ESRRG: variants seen among roughly 807,000 people sequenced by gnomAD.
The protein encoded by ESRRG is estrogen-related receptor gamma.
A neutral mutation model predicts 44.0 loss-of-function variants in ESRRG; 13 were observed. The observed-to-expected ratio is 0.30, with a 90% CI of 0.19 to 0.47. The LOEUF is 0.47. Ranked by LOEUF, ESRRG falls within the 20% of genes least tolerant of loss-of-function variation. The probability of loss-of-function intolerance (pLI) is 1.00; values close to 1 mark genes in which losing one functional copy is unlikely to be tolerated. For synonymous variants in ESRRG, 215 were observed against 214.6 expected (o/e 1.00, Z -0.02); for missense variants, 395 against 580.6 (o/e 0.68, Z 3.29).
chr1:216,615,701 T>C (rs537689122), intron 3 of ESRRG, among the ~76,000 whole-genome samples: 8 of 151,444 alleles, frequency 5.3e-5, no homozygotes, highest in Non-Finnish European at 1.0e-4. Context: ...AGAAATACTG[T>C]CCATAAGACC....
At chr1:216,765,914 C>T (rs2093050594) in intron 2 of ESRRG, among the ~76,000 whole-genome samples, 2 of 152,240 alleles carry the variant, frequency 1.3e-5, no homozygotes, top group East Asian at 1.9e-4. Flanking sequence ...TGGAGTATTA[C>T]GGATCCCTGG....
chr1:216,526,426 T>C (rs891514446), intron 5 of ESRRG, among the ~76,000 whole-genome samples: 2 of 151,944 alleles, frequency 1.3e-5, no homozygotes, highest in Admixed American at 6.6e-5. Context: ...ACAGGGAGAA[T>C]ACTACCTACA....
intron 2 of ESRRG, among the ~76,000 whole-genome samples, chr1:216,662,860 A>T (rs1244624266): frequency 6.6e-6 from 1 of 152,180 alleles, no homozygotes; most frequent in East Asian, 1.9e-4. Context: ...ATACTAGAAT[A>T]GGTGTGGCCA....
intron 2 of ESRRG, among the ~76,000 whole-genome samples, chr1:216,837,211 C>T (rs1021280758): frequency 6.6e-6 from 1 of 151,772 alleles, no homozygotes; most frequent in African/African-American, 2.4e-5. Context: ...AGATCGAGAC[C>T]ATCCTAGCTA....
intron 2 of ESRRG, among the ~76,000 whole-genome samples, chr1:216,732,217 C>T (rs753888462): frequency 6.6e-6 from 1 of 151,832 alleles, no homozygotes; most frequent in African/African-American, 2.4e-5. Context: ...CAATTTCACA[C>T]GTGCTCCTTT....
At chr1:216,710,464 T>C (rs1225296864) in intron 1 of ESRRG, among the ~76,000 whole-genome samples, 1 of 152,028 alleles carries the variant, frequency 6.6e-6, no homozygotes, top group Non-Finnish European at 1.5e-5. Context: ...AACCAATTGC[T>C]TTTTTTGAAA....
intron 2 of ESRRG, among the ~76,000 whole-genome samples, chr1:216,871,802 C>G (rs2096263432): frequency 6.6e-6 from 1 of 151,976 alleles, no homozygotes; most frequent in Non-Finnish European, 1.5e-5. Context: ...CTCTATCATT[C>G]AATGTTAAAT....
chr1:216,943,981 T>G (rs1197848916), intron 1 of ESRRG, among the ~76,000 whole-genome samples: 2 of 152,140 alleles, frequency 1.3e-5, no homozygotes, highest in Non-Finnish European at 2.9e-5. Flanking sequence ...TATTAAGAGA[T>G]AAAATGTCAT....
chr1:216,563,167 A>G (rs1401242099), intron 5 of ESRRG, among the ~76,000 whole-genome samples: 1 of 152,202 alleles, frequency 6.6e-6, no homozygotes, highest in African/African-American at 2.4e-5. Context: ...ATACAGAGTG[A>G]TGTTTAAATT....
chr1:217,136,541 G>A (rs1237544212), intron 1 of ESRRG, among the ~76,000 whole-genome samples: 1 of 152,114 alleles, frequency 6.6e-6, no homozygotes, highest in Non-Finnish European at 1.5e-5. Context: ...GTTTTGCCAT[G>A]GGGTCTTGCT....
chr1:216,937,917 AT>A (rs111237282), intron 2 of ESRRG, among the ~76,000 whole-genome samples: 43,886 of 150,194 alleles, frequency 0.29, 7,901 homozygotes, highest in African/African-American at 0.51. Context: ...CTGCTTTATT[AT>A]TTTTTTTTTT....
chr1:217,070,463 C>G (rs908096293), intron 1 of ESRRG, among the ~76,000 whole-genome samples: 2 of 151,782 alleles, frequency 1.3e-5, no homozygotes, highest in African/African-American at 4.8e-5. Context: ...CTCACTGCAA[C>G]CTATGCTTCC....
At chr1:217,096,509 G>T (rs963008963) in intron 1 of ESRRG, among the ~76,000 whole-genome samples, 2 of 152,106 alleles carry the variant, frequency 1.3e-5, no homozygotes, top group African/African-American at 4.8e-5. Context: ...CCAGAACCTG[G>T]ATTTCCTCTT....
At chr1:217,109,307 A>C (rs900463252) in intron 1 of ESRRG, among the ~76,000 whole-genome samples, 1 of 152,198 alleles carries the variant, frequency 6.6e-6, no homozygotes, top group African/African-American at 2.4e-5. Flanking sequence ...CCCACTTTAC[A>C]TGGACATTGA....
intron 1 of ESRRG, among the ~76,000 whole-genome samples, chr1:217,037,363 A>T (rs1417845374): frequency 1.3e-5 from 2 of 152,202 alleles, no homozygotes; most frequent in Non-Finnish European, 2.9e-5. Context: ...TTTCACAATT[A>T]TGGTGGAGGG....
Position 216,520,792 on chromosome 1 carries a change from C to G in ESRRG, c.863-1371G>C, listed in dbSNP as rs185259411. Among the ~76,000 whole-genome samples the G allele has an allele frequency of 3.7e-3, 563 of 152,232 alleles. 4 individuals carry two copies. Among genetic ancestry groups the G allele is most frequent in the African/African-American group, 0.013 (543 of 41,550 alleles). ...AACTTAAGAAATCTATTTTTACTCC[C>G]TTTCTAGACATTATTATCCAAATCA... On this transcript the variant is annotated intron_variant, in intron 5 of 6. Transcript: ENST00000408911.
At chr1:216,777,441 A>G (rs11572622) in intron 2 of ESRRG, among the ~76,000 whole-genome samples, 31,330 of 151,990 alleles carry the variant, frequency 0.21, 3,492 homozygotes, top group East Asian at 0.31. Flanking sequence ...ACACTTCCAG[A>G]CTGCTGTTTC....
At chr1:216,881,434 C>T (rs2096445743) in intron 2 of ESRRG, among the ~76,000 whole-genome samples, 1 of 152,060 alleles carries the variant, frequency 6.6e-6, no homozygotes, top group Non-Finnish European at 1.5e-5. Flanking sequence ...ATTGCCACAC[C>T]AACTTCCTCT....
intron 1 of ESRRG, among the ~76,000 whole-genome samples, chr1:217,046,829 G>A (rs988497260): frequency 1.3e-5 from 2 of 151,954 alleles, no homozygotes; most frequent in Non-Finnish European, 2.9e-5. Context: ...GCTGCAATGA[G>A]CCATAATTAT....
Sources: allele counts gnomAD v4.1 joint callset (sites outside exome capture counted in the v4.1 genomes callset), GRCh38; gene constraint gnomAD v4.1.1; transcripts MANE v1.5; gene names NCBI Gene and HGNC (gene_info 2026-07-23, HGNC 2026-07-21).